REDIC1: variants seen among roughly 807,000 people sequenced by gnomAD.
REDIC1 encodes the protein HEI10 Interacting Protein 1.
At chr12:39,637,544 G>A in the REDIC1 span, among the ~76,000 whole-genome samples, 18 of 152,140 alleles carry the variant, frequency 1.2e-4, no homozygotes, top group African/African-American at 4.1e-4. Flanking sequence ...AGCTAAGTAG[G>A]TGCATGCTAT....
the REDIC1 span, among the ~76,000 whole-genome samples, chr12:39,634,433 A>G: frequency 1.3e-5 from 2 of 152,222 alleles, no homozygotes; most frequent in African/African-American, 2.4e-5. Context: ...GTACCAAAAC[A>G]GATATATAGA....
chr12:39,660,512 A>AAT, the REDIC1 span, among the ~76,000 whole-genome samples: 3 of 151,756 alleles, frequency 2.0e-5, no homozygotes, highest in East Asian at 1.9e-4. Context: ...TTTTTTTTAA[A>AAT]TTTTTTATTG....
chr12:39,760,277 T>G, the REDIC1 span: 1 of 1,570,676 alleles, frequency 6.4e-7, no homozygotes, highest in Non-Finnish European at 8.7e-7. Flanking sequence ...AATAGATACA[T>G]GAATATGAAT....
the REDIC1 span, among the ~76,000 whole-genome samples, chr12:39,632,051 G>GTATA: frequency 7.5e-3 from 1,113 of 148,612 alleles, 6 homozygotes; most frequent in East Asian, 0.029. Context: ...GTGTAAATTT[G>GTATA]TATATATATA....
chr12:39,746,480 T>G, the REDIC1 span, among the ~76,000 whole-genome samples: 1 of 152,160 alleles, frequency 6.6e-6, no homozygotes. Flanking sequence ...TGCCTGCCTC[T>G]GTAGACTCCA....
chr12:39,635,288 A>G, the REDIC1 span, among the ~76,000 whole-genome samples: 2 of 152,226 alleles, frequency 1.3e-5, no homozygotes, highest in African/African-American at 4.8e-5. Flanking sequence ...CAATCCCATT[A>G]CTGGGCATAT....
chr12:39,712,982 CATGTGTATATACGTGTATATGTAT>C, the REDIC1 span, among the ~76,000 whole-genome samples: 1 of 4,836 alleles, frequency 2.1e-4, no homozygotes, highest in Non-Finnish European at 4.6e-4. Context: ...TGTATATATA[CATGTGTATATACGTGTATATGTAT>C]ATATACATGT....
At chr12:39,822,113 C>T in the REDIC1 span, among the ~76,000 whole-genome samples, 6 of 135,332 alleles carry the variant, frequency 4.4e-5, no homozygotes, top group African/African-American at 1.7e-4. Context: ...TGTTCCCCTT[C>T]CTATGTCCAT....
At chr12:39,711,566 T>C in the REDIC1 span, among the ~76,000 whole-genome samples, 21 of 10,390 alleles carry the variant, frequency 2.0e-3, no homozygotes, top group Non-Finnish European at 5.6e-3. Context: ...CATGCATGTG[T>C]ATATGTGCAT....
At chr12:39,734,834 G>A in the REDIC1 span, among the ~76,000 whole-genome samples, 119 of 152,252 alleles carry the variant, frequency 7.8e-4, no homozygotes, top group South Asian at 0.023. Context: ...CATTTCCATA[G>A]GGATTTTGGC....
At chr12:39,812,581 T>G in the REDIC1 span, among the ~76,000 whole-genome samples, 3 of 151,892 alleles carry the variant, frequency 2.0e-5, no homozygotes, top group Non-Finnish European at 2.9e-5. Flanking sequence ...CAAGCGATTC[T>G]CCTGCCTCAG....
the REDIC1 span, among the ~76,000 whole-genome samples, chr12:39,849,399 C>T: frequency 1.3e-5 from 2 of 152,112 alleles, no homozygotes; most frequent in African/African-American, 4.8e-5. Flanking sequence ...TAATCTCACC[C>T]ACTGAAGAAT....
the REDIC1 span, among the ~76,000 whole-genome samples, chr12:39,860,055 A>C: frequency 1.3e-5 from 2 of 152,206 alleles, no homozygotes; most frequent in Admixed American, 6.5e-5. Flanking sequence ...ATAGAAAAAG[A>C]AGCTGTTGTG....
At chr12:39,714,989 G>A in the REDIC1 span, among the ~76,000 whole-genome samples, 13 of 151,872 alleles carry the variant, frequency 8.6e-5, no homozygotes, top group African/African-American at 3.1e-4. Context: ...TATAGATTGT[G>A]AAGATTTTCT....
At chr12:39,823,264 C>T in the REDIC1 span, among the ~76,000 whole-genome samples, 930 of 152,198 alleles carry the variant, frequency 6.1e-3, 10 homozygotes, top group African/African-American at 0.021. Flanking sequence ...TAAAAATTAA[C>T]TTTGAGCTAC....
the REDIC1 span, among the ~76,000 whole-genome samples, chr12:39,694,731 T>G: frequency 8.3e-6 from 1 of 120,602 alleles, no homozygotes; most frequent in Non-Finnish European, 1.9e-5. Context: ...GACCGTGGAC[T>G]GGGGGTGGCA....
chr12:39,626,432 A>G, the REDIC1 span: 1 of 1,589,190 alleles, frequency 6.3e-7, no homozygotes, highest in African/African-American at 1.3e-5. Context: ...CCTGGCGGAG[A>G]GGTCACAGCC....
chr12:39,804,502 C>A, the REDIC1 span, among the ~76,000 whole-genome samples: 1 of 152,256 alleles, frequency 6.6e-6, no homozygotes, highest in South Asian at 2.1e-4. Flanking sequence ...TTACTGTACT[C>A]ATGCTTATTA....
chr12:39,676,154 A>G, the REDIC1 span, among the ~76,000 whole-genome samples: 2 of 152,148 alleles, frequency 1.3e-5, no homozygotes, highest in African/African-American at 4.8e-5. Flanking sequence ...ATACTACTCA[A>G]GGAGGTACTA....
Sources: gnomAD v4.1 joint callset for allele counts (sites outside exome capture counted in the v4.1 genomes callset) on GRCh38, gnomAD v4.1.1 for gene constraint, MANE v1.5 for transcripts, NCBI Gene and HGNC (gene_info 2026-07-23, HGNC 2026-07-21) for gene names.